The following ZNF648 variants were observed in gnomAD, a reference collection of about 807,000 sequenced individuals.
The protein encoded by ZNF648 is zinc finger protein 648.
In ZNF648, 1 loss-of-function variant was observed where a neutral mutation model predicts 0.3. That is an observed-to-expected ratio of 3.90 (90% CI 1.39 to 18.51). The LOEUF is 18.51. ZNF648 is among the 30% of genes most tolerant of loss of function. ZNF648 has a pLI of 0.11. For synonymous variants in ZNF648, 376 were observed against 326.8 expected, an observed-to-expected ratio of 1.15 and a Z score of -1.62; for missense variants, 874 against 769.7, an observed-to-expected ratio of 1.14 and a Z score of -1.60.
upstream of ZNF648, chr1:182,064,692 G>C (rs1384945376): frequency 2.0e-5 from 3 of 152,204 alleles, no homozygotes; most frequent in African/African-American, 7.2e-5. Context: ...AAAATGTTGA[G>C]AACCATTGGC....
rs768159701 is a variant in ZNF648 at position 182,057,896 on chromosome 1, C to T, written c.115G>A (p.Asp39Asn). The T allele has an allele frequency of 6.2e-7, 1 of 1,614,148 alleles. No individual in the cohort carries two copies. Among genetic ancestry groups the T allele is most frequent in the Non-Finnish European group, 8.5e-7 (1 of 1,180,018 alleles). ...CCCTCTTTTTCGGCCTCCCCACCAT[C>T]TTCATCGTCACTCTCTAAGTTCATG... ...LSMNLESDDE[D>N]GGEAEKEGTA... Residue 39 changes from aspartate (D) to asparagine (N), a missense_variant, in exon 2 of 2, where the codon GAT (aspartate) becomes AAT (asparagine). Asp to Asn is a conservative substitution (Grantham distance 23, BLOSUM62 1). Transcript: ENST00000339948.
In ZNF648 at chr1:182,057,071, T is replaced by C; in HGVS notation, c.940A>G (p.Lys314Glu). Residue 314 changes from lysine (K) to glutamate (E), a missense_variant, in exon 2 of 2, where the codon AAG (lysine) becomes GAG (glutamate). Physicochemically the swap from Lys to Glu is moderately conservative, Grantham distance 56 (BLOSUM62 1). Coordinates refer to ENST00000339948, the MANE Select transcript of ZNF648 (RefSeq NM_001009992.1). ...ERPYQCSFCD[K>E]AYTWSSDHRK... ...TGGTCGGAGGACCAGGTGTAGGCCTTGTCGCAGAAGGAGCACTGGTAGGGC... is the reference window on the plus strand; with the variant it reads ...TGGTCGGAGGACCAGGTGTAGGCCTCGTCGCAGAAGGAGCACTGGTAGGGC... 1 of 1,612,834 alleles carries C rather than the reference T, an allele frequency of 6.2e-7. No individual in the cohort carries two copies. The highest frequency in any genetic ancestry group is 8.5e-7 in the Non-Finnish European group (1 of 1,179,878).
Position 182,057,136 on chromosome 1 carries a change from C to A in ZNF648, c.875G>T (p.Gly292Val). 1 of 1,604,734 alleles carries A rather than the reference C, an allele frequency of 6.2e-7. No individual in the cohort carries two copies. The highest frequency in any genetic ancestry group is 8.5e-7 in the Non-Finnish European group (1 of 1,179,198). The part of the protein sequence containing the change: ...ELCGKAYSHR[G>V]TLQQHRRLHT... ...CAGGCGCCTGTGCTGCTGGAGTGTGCCGCGGTGGGAGTAGGCCTTCCCGCA... is the reference window on the plus strand; with the variant it reads ...CAGGCGCCTGTGCTGCTGGAGTGTGACGCGGTGGGAGTAGGCCTTCCCGCA... Residue 292 changes from glycine (G) to valine (V), a missense_variant, in exon 2 of 2, where the codon GGC becomes GTC. Gly to Val is a moderately radical substitution (Grantham distance 109). Transcript: ENST00000339948.
At position 182,056,685 on chromosome 1, in the gene ZNF648, G is replaced by A. The variant is rs1665918935; in HGVS notation, c.1326C>T (p.His442=). The part of the protein sequence containing the change: ...SSNLSEHQTL[H]TGQRPFKCAD... ...CGCACTTGAAAGGCCTCTGGCCGGT[G>A]TGCAGCGTCTGGTGCTCGGACAGAT... The change falls in exon 2 of 2, where the codon CAC becomes CAT. Residue 442 remains histidine, a synonymous_variant. Coordinates refer to ENST00000339948, the MANE Select transcript of ZNF648 (RefSeq NM_001009992.1). The A allele has an allele frequency of 6.2e-7, 1 of 1,602,952 alleles. No individual in the cohort carries two copies. The highest frequency in any genetic ancestry group is 8.5e-7 in the Non-Finnish European group (1 of 1,174,604).
Position 182,056,968 on chromosome 1 carries a change from G to T in ZNF648, c.1043C>A (p.Ser348Ter). The T allele has an allele frequency of 6.2e-7, 1 of 1,613,684 alleles. No homozygotes were observed. The highest frequency in any genetic ancestry group is 8.5e-7 in the Non-Finnish European group (1 of 1,179,892). ...GTTGCGCTGGTGTTTGCGCAGGTCC[G>T]AAGAGCGCACGAAGGCCTTCCCGCA... ...PDCGKAFVRS[S>*]DLRKHQRNMH... The change falls in exon 2 of 2, where the codon TCG (serine) becomes TAG (stop). Residue 348 changes from serine to a stop codon, truncating the protein, a stop_gained. Coordinates refer to ENST00000339948, the MANE Select transcript of ZNF648 (RefSeq NM_001009992.1). LOFTEE classifies it low-confidence loss of function (END_TRUNC).
Position 182,056,450 on chromosome 1 carries a change from G to A in ZNF648, c.1561C>T (p.Gln521Ter), listed in dbSNP as rs1665910487. ...TCTCCGTTGTGCATTCGTATGTGCTGGGCCAACTCAGAGGCAATGCGGAAG... is the reference window on the plus strand; with the variant it reads ...TCTCCGTTGTGCATTCGTATGTGCTAGGCCAACTCAGAGGCAATGCGGAAG... Reference protein sequence around the residue: ...RAFRIASELAQHIRMHNGERP... With the variant: ...RAFRIASELA Residue 521 changes from glutamine to a stop codon, truncating the protein, a stop_gained, in exon 2 of 2, where the codon CAG becomes TAG. Transcript: ENST00000339948. LOFTEE classifies it low-confidence loss of function (END_TRUNC). 3 of 1,614,018 alleles carry A rather than the reference G, an allele frequency of 1.9e-6. No individual in the cohort carries two copies. The highest frequency in any genetic ancestry group is 2.5e-6 in the Non-Finnish European group (3 of 1,179,968).
chr1:182,066,931 T>C, the ZNF648 span, among the ~76,000 whole-genome samples: 1 of 152,202 alleles, frequency 6.6e-6, no homozygotes, highest in Non-Finnish European at 1.5e-5. Context: ...TGCCATTCTC[T>C]GATTCTGGTC....
chr1:182,056,979 G>A lies in ZNF648; in HGVS notation c.1032C>T (p.Phe344=), dbSNP rs750530044. The part of the protein sequence containing the change: ...PYPCPDCGKA[F]VRSSDLRKHQ... ...GTTTGCGCAGGTCCGAAGAGCGCAC[G>A]AAGGCCTTCCCGCAGTCTGGACACG... Residue 344 remains phenylalanine, a synonymous_variant, in exon 2 of 2, where the codon TTC becomes TTT. Transcript: ENST00000339948. 1.1e-5 allele frequency: 17 copies of A among 1,613,840 alleles called. No homozygotes were observed. In the Admixed American group the frequency reaches 1.2e-4, roughly 11 times the overall value.
At chr1:182,069,587 ATTC>A in the ZNF648 span, among the ~76,000 whole-genome samples, 2 of 152,170 alleles carry the variant, frequency 1.3e-5, no homozygotes, top group East Asian at 3.9e-4. Flanking sequence ...AAGCATGTCT[ATTC>A]TTTGAAAAGA....
chr1:182,057,394 G>C lies in ZNF648; in HGVS notation c.617C>G (p.Thr206Arg). 2.5e-6 allele frequency: 4 copies of C among 1,613,736 alleles called. No homozygotes were observed. Among genetic ancestry groups the C allele is most frequent in the Non-Finnish European group, 3.4e-6 (4 of 1,180,014 alleles). The change falls in exon 2 of 2, where the codon ACA becomes AGA. Residue 206 changes from threonine to arginine, a missense_variant. Transcript: ENST00000339948. ...GSNWDLPTQE[T>R]HTPAQASATP... ...GGCCGACGCCTGGGCTGGTGTATGT[G>C]TCTCTTGCGTGGGAAGGTCCCAGTT... is the stretch of plus-strand genomic sequence containing the variant.
rs140040295 is a variant in ZNF648, at chr1:182,057,377, C to T, written c.634G>A (p.Ala212Thr). 9.9e-6 allele frequency: 16 copies of T among 1,612,994 alleles called. No homozygotes were observed. In the African/African-American group the frequency reaches 1.9e-4, roughly 19 times the overall value. ...GCCAGGCTGGCTGGGGTGGCCGACGCCTGGGCTGGTGTATGTGTCTCTTGC... is the reference window on the plus strand; with the variant it reads ...GCCAGGCTGGCTGGGGTGGCCGACGTCTGGGCTGGTGTATGTGTCTCTTGC... ...PTQETHTPAQASATPASLAAA... is the reference protein window; with the variant it reads ...PTQETHTPAQTSATPASLAAA... The change falls in exon 2 of 2, where the codon GCG (alanine) becomes ACG (threonine). Residue 212 changes from alanine (A) to threonine (T), a missense_variant. Transcript: ENST00000339948.
chr1:182,068,905 G>C, the ZNF648 span, among the ~76,000 whole-genome samples: 1 of 149,152 alleles, frequency 6.7e-6, no homozygotes. Flanking sequence ...AACAGAGTGA[G>C]ACCGAGTCTC....
At chr1:182,059,960 GC>G (rs927637954) in intron 1 of ZNF648, among the ~76,000 whole-genome samples, 2 of 152,162 alleles carry the variant, frequency 1.3e-5, no homozygotes, top group Non-Finnish European at 2.9e-5. Flanking sequence ...AGGCCATTAA[GC>G]CCCAAATGGT....
chr1:182,057,187 G>C lies in ZNF648; in HGVS notation c.824C>G (p.Ala275Gly), dbSNP rs978184130. Reference protein sequence around the residue: ...PLSPAETRGGAAKRYACELCG... With the variant: ...PLSPAETRGGGAKRYACELCG... The stretch of plus-strand genomic sequence containing the variant: ...TAGCTCGCACGCGTAGCGCTTGGCG[G>C]CGCCGCCGCGCGTCTCCGCGGGGCT... The change falls in exon 2 of 2, where the codon GCC (alanine) becomes GGC (glycine). Residue 275 changes from alanine (A) to glycine (G), a missense_variant. By Grantham distance (60) the Ala-to-Gly change is moderately conservative (BLOSUM62 0). Coordinates refer to ENST00000339948, the MANE Select transcript of ZNF648 (RefSeq NM_001009992.1). 6.3e-7 allele frequency: 1 copy of C among 1,577,348 alleles called. No individual in the cohort carries two copies. Among genetic ancestry groups the C allele is most frequent in the African/African-American group, 1.3e-5 (1 of 74,406 alleles).
Position 182,056,741 on chromosome 1 carries a change from TG to T in ZNF648, c.1269del (p.Thr424ProfsTer68). Reference sequence around the variant, plus strand: ...GACTTGGTGAAGCACTTGCCGCAGGTGGGGCAGGGGAAGGGCCGCTCGCCCG... The same window carrying T: ...GACTTGGTGAAGCACTTGCCGCAGGTGGGCAGGGGAAGGGCCGCTCGCCCG... ...VHSGERPFPC[P>X]TCGKCFTKSS... On this transcript the variant is annotated frameshift_variant, in exon 2 of 2. Coordinates refer to ENST00000339948, the MANE Select transcript of ZNF648 (RefSeq NM_001009992.1). LOFTEE classifies it low-confidence loss of function (END_TRUNC). 1 of 1,577,298 alleles carries T rather than the reference TG, an allele frequency of 6.3e-7. No homozygotes were observed.
chr1:182,067,290 C>T, the ZNF648 span, among the ~76,000 whole-genome samples: 1 of 152,102 alleles, frequency 6.6e-6, no homozygotes, highest in Non-Finnish European at 1.5e-5. Context: ...ATTTCTACAC[C>T]CTGCATGACT....
At chr1:182,067,435 G>A in the ZNF648 span, among the ~76,000 whole-genome samples, 1 of 152,186 alleles carries the variant, frequency 6.6e-6, no homozygotes, top group Admixed American at 6.5e-5. Flanking sequence ...GAGTACAAGG[G>A]ATGGACAAGT....
At chr1:182,069,431 T>G in the ZNF648 span, among the ~76,000 whole-genome samples, 6 of 152,220 alleles carry the variant, frequency 3.9e-5, no homozygotes, top group African/African-American at 1.2e-4. Flanking sequence ...AGAGAGGACC[T>G]CTCTTCATAG....
chr1:182,057,102 G>A lies in ZNF648; in HGVS notation c.909C>T (p.Gly303=). The part of the protein sequence containing the change: ...TLQQHRRLHT[G]ERPYQCSFCD... Reference sequence around the variant, plus strand: ...AGAAGGAGCACTGGTAGGGCCGCTCGCCCGTGTGCAGGCGCCTGTGCTGCT... The same window carrying A: ...AGAAGGAGCACTGGTAGGGCCGCTCACCCGTGTGCAGGCGCCTGTGCTGCT... The change falls in exon 2 of 2, where the codon GGC becomes GGT. Residue 303 remains glycine, a synonymous_variant. Transcript: ENST00000339948. 1.2e-6 allele frequency: 2 copies of A among 1,610,682 alleles called. No homozygotes were observed. The highest frequency in any genetic ancestry group is 1.7e-6 in the Non-Finnish European group (2 of 1,179,894).
Sources: allele counts gnomAD v4.1 joint callset (sites outside exome capture counted in the v4.1 genomes callset), GRCh38; gene constraint gnomAD v4.1.1; transcripts MANE v1.5; gene names NCBI Gene and HGNC (gene_info 2026-07-23, HGNC 2026-07-21).